The following PDE4D variants were observed in gnomAD, a reference collection of about 807,000 sequenced individuals.
The protein encoded by PDE4D is phosphodiesterase 4D.
A neutral mutation model predicts 87.4 loss-of-function variants in PDE4D; 24 were observed. The ratio of observed to expected loss-of-function variants is 0.27; its 90% CI spans 0.20 to 0.39. The LOEUF (loss-of-function observed/expected upper bound fraction) is 0.39. PDE4D is among the 10% of genes least tolerant of loss of function. The pLI is 1.00. For missense variants in PDE4D, 714 were observed against 1,041.0 expected (o/e 0.69, Z 4.32); for synonymous variants, 384 against 383.2 (o/e 1.00, Z -0.02).
intron 1 of PDE4D, among the ~76,000 whole-genome samples, chr5:60,283,775 G>T (rs188169107): frequency 4.1e-4 from 62 of 152,174 alleles, no homozygotes; most frequent in Admixed American, 1.0e-3. Flanking sequence ...CTCCCAAGGT[G>T]GCCATACTCT....
chr5:59,191,475 G>A (rs2153485201), intron 3 of PDE4D, among the ~76,000 whole-genome samples: 1 of 152,048 alleles, frequency 6.6e-6, no homozygotes, highest in Middle Eastern at 3.4e-3. Flanking sequence ...TGGAATGATT[G>A]GTTCTATGTT....
At chr5:58,982,555 G>A (rs998077016) in intron 11 of PDE4D, among the ~76,000 whole-genome samples, 6 of 152,148 alleles carry the variant, frequency 3.9e-5, no homozygotes, top group Admixed American at 2.6e-4. Context: ...TTTCCACTAA[G>A]GACAAAATGC....
intron 1 of PDE4D, among the ~76,000 whole-genome samples, chr5:60,271,487 C>T (rs1241676819): frequency 6.6e-6 from 1 of 152,100 alleles, no homozygotes; most frequent in African/African-American, 2.4e-5. Flanking sequence ...TATAATTTCA[C>T]CTTCTAATTC....
intron 1 of PDE4D, among the ~76,000 whole-genome samples, chr5:59,831,170 T>C (rs1050160041): frequency 6.6e-5 from 10 of 151,996 alleles, no homozygotes; most frequent in African/African-American, 2.4e-4. Context: ...TAGAAATTAT[T>C]GTTGCCTGAC....
chr5:59,330,953 A>AC (rs1776620921), intron 1 of PDE4D, among the ~76,000 whole-genome samples: 1 of 151,990 alleles, frequency 6.6e-6, no homozygotes, highest in South Asian at 2.1e-4. Flanking sequence ...CGCAGCCTCA[A>AC]CCACACTCAT....
chr5:59,061,765 T>G (rs1053545583), intron 5 of PDE4D, among the ~76,000 whole-genome samples: 1 of 152,082 alleles, frequency 6.6e-6, no homozygotes, highest in Non-Finnish European at 1.5e-5. Flanking sequence ...GGAAAAAAAA[T>G]TGCAACTGTC....
intron 1 of PDE4D, among the ~76,000 whole-genome samples, chr5:60,395,208 G>A (rs568067557): frequency 3.3e-5 from 5 of 152,202 alleles, no homozygotes; most frequent in South Asian, 2.1e-4. Context: ...AATCGTACCA[G>A]CAGAAATCTG....
intron 1 of PDE4D, among the ~76,000 whole-genome samples, chr5:60,425,137 C>T (rs1269119333): frequency 2.0e-5 from 3 of 152,070 alleles, no homozygotes; most frequent in Non-Finnish European, 4.4e-5. Context: ...CAATGCCATC[C>T]CCATCAAGCC....
chr5:60,072,454 G>T (rs1192098388), intron 2 of PDE4D, among the ~76,000 whole-genome samples: 2 of 152,196 alleles, frequency 1.3e-5, no homozygotes, highest in East Asian at 3.9e-4. Flanking sequence ...CATTCTGTAG[G>T]TTGTCTATTT....
intron 5 of PDE4D, among the ~76,000 whole-genome samples, chr5:59,137,824 C>A (rs551039601): frequency 6.6e-6 from 1 of 152,288 alleles, no homozygotes; most frequent in East Asian, 1.9e-4. Context: ...CCACGCCCAG[C>A]CTTAAGGGGG....
intron 2 of PDE4D, among the ~76,000 whole-genome samples, chr5:60,136,844 TG>T (rs1780093187): frequency 6.6e-6 from 1 of 152,260 alleles, no homozygotes; most frequent in African/African-American, 2.4e-5. Flanking sequence ...ATGTGCGGGA[TG>T]TGCAGGTTTG....
chr5:59,744,229 A>C (rs1759280428), intron 1 of PDE4D, among the ~76,000 whole-genome samples: 1 of 152,050 alleles, frequency 6.6e-6, no homozygotes, highest in African/African-American at 2.4e-5. Flanking sequence ...ATAATGGAGG[A>C]ATCTTATTTC....
At chr5:60,521,372 C>T (rs1751032047) in intron 1 of PDE4D, 1 of 152,154 alleles carries the variant, frequency 6.6e-6, no homozygotes, top group African/African-American at 2.4e-5. Context: ...AAAAAACAGA[C>T]AATTCAATTG....
At chr5:60,316,119 T>G (rs1294811926) in intron 1 of PDE4D, among the ~76,000 whole-genome samples, 1 of 152,150 alleles carries the variant, frequency 6.6e-6, no homozygotes, top group East Asian at 1.9e-4. Context: ...CTACCCATGA[T>G]TATGGAATGT....
chr5:60,102,231 T>C (rs1264712895), intron 2 of PDE4D, among the ~76,000 whole-genome samples: 2 of 152,214 alleles, frequency 1.3e-5, no homozygotes, highest in Non-Finnish European at 2.9e-5. Flanking sequence ...TTTTGTTTTT[T>C]GTTTTTTTGC....
intron 1 of PDE4D, among the ~76,000 whole-genome samples, chr5:59,500,969 C>T (rs1808195489): frequency 6.6e-6 from 1 of 152,074 alleles, no homozygotes; most frequent in African/African-American, 2.4e-5. Flanking sequence ...GCTAGACCAA[C>T]TAATTTTTTT....
intron 1 of PDE4D, chr5:59,592,231 A>C: frequency 1.4e-6 from 1 of 737,110 alleles, no homozygotes; most frequent in Non-Finnish European, 1.7e-6. Context: ...TTAACTAATA[A>C]CGATGTTGAT....
At chr5:59,354,177 G>A (rs145703564) in intron 1 of PDE4D, among the ~76,000 whole-genome samples, 1,730 of 152,126 alleles carry the variant, frequency 0.011, 10 homozygotes, top group Non-Finnish European at 0.02. Flanking sequence ...AAAAAATATT[G>A]CTCATAAAAA....
intron 5 of PDE4D, among the ~76,000 whole-genome samples, chr5:59,162,980 G>A (rs1403874495): frequency 6.7e-6 from 1 of 148,730 alleles, no homozygotes; most frequent in Non-Finnish European, 1.5e-5. Flanking sequence ...GTCTTGCTCT[G>A]TCACCCAGGT....
Sources: gnomAD v4.1 joint callset for allele counts (sites outside exome capture counted in the v4.1 genomes callset) on GRCh38, gnomAD v4.1.1 for gene constraint, MANE v1.5 for transcripts, NCBI Gene and HGNC (gene_info 2026-07-23, HGNC 2026-07-21) for gene names.